Variants in NLRP5 observed in about 807,000 individuals in gnomAD.
The protein encoded by NLRP5 is NACHT, LRR and PYD domains-containing protein 5.
NLRP5 carries 93 observed loss-of-function variants against 113.1 expected under a neutral mutation model. The observed-to-expected ratio is 0.82, with a 90% CI of 0.70 to 0.98. NLRP5 has a LOEUF of 0.98. Among genes scored for constraint, NLRP5 ranks in the 50% least tolerant of loss-of-function variants. NLRP5 has a pLI of 0.00. For synonymous variants in NLRP5, 751 were observed against 600.7 expected, an observed-to-expected ratio of 1.25 and a Z score of -3.66; for missense variants, 1,808 against 1,514.3, an observed-to-expected ratio of 1.19 and a Z score of -3.22.
intron 3 of NLRP5, among the ~76,000 whole-genome samples, chr19:56,015,325 G>T (rs948804128): frequency 2.0e-5 from 3 of 152,072 alleles, no homozygotes; most frequent in Non-Finnish European, 4.4e-5. Context: ...CCTTCCAGTA[G>T]ATGGGATTAC....
chr19:56,004,590 T>C (rs1981783617), intron 2 of NLRP5, among the ~76,000 whole-genome samples: 1 of 152,154 alleles, frequency 6.6e-6, no homozygotes, highest in Non-Finnish European at 1.5e-5. Flanking sequence ...GATGAAGGAC[T>C]GAGGTTCCAG....
rs1392640845 is a variant in NLRP5 at position 56,019,749 on chromosome 19, C to G, written c.622+351C>G. 3.3e-5 allele frequency among the ~76,000 whole-genome samples: 5 copies of G among 152,164 alleles called. No individual in the cohort carries two copies. In the East Asian group the frequency reaches 9.6e-4, roughly 29 times the overall value. ...AGTGGCAGTAATTATTTTTGTAATT[C>G]CTTCTATCAACTAATATGTACATGA... On this transcript the variant is annotated intron_variant, in intron 5 of 14. Coordinates refer to ENST00000390649, the MANE Select transcript of NLRP5 (RefSeq NM_153447.4).
chr19:56,009,839 T>G lies in NLRP5; in HGVS notation c.508+986T>G, dbSNP rs531545631. Among the ~76,000 whole-genome samples, 105 of 152,180 alleles carry G rather than the reference T, an allele frequency of 6.9e-4. 1 individual carries two copies. Among genetic ancestry groups the G allele is most frequent in the Middle Eastern group, 3.4e-3 (1 of 294 alleles). On this transcript the variant is annotated intron_variant, in intron 3 of 14. Coordinates refer to ENST00000390649, the MANE Select transcript of NLRP5 (RefSeq NM_153447.4). ...GATGGAGCTTTGCTCAGGCTGTGGG[T>G]GGGGAAAGAGCTCTTCAAAGCTAAC... is the stretch of plus-strand genomic sequence containing the variant.
intron 6 of NLRP5, among the ~76,000 whole-genome samples, chr19:56,024,673 G>A (rs1369882303): frequency 6.6e-6 from 1 of 151,454 alleles, no homozygotes; most frequent in Admixed American, 6.6e-5. Context: ...CAGGAGCATT[G>A]CTTGAACCTG....
intron 7 of NLRP5, among the ~76,000 whole-genome samples, chr19:56,031,768 G>A (rs752045893): frequency 8.5e-5 from 13 of 152,090 alleles, no homozygotes; most frequent in Non-Finnish European, 1.8e-4. Flanking sequence ...CTCTAAGGAC[G>A]AGTAATATTC....
chr19:56,056,842 C>T, intron 13 of NLRP5, among the ~76,000 whole-genome samples: 1 of 152,028 alleles, frequency 6.6e-6, no homozygotes, highest in Admixed American at 6.6e-5. Flanking sequence ...ACTTTTTATT[C>T]TATCATAAGA....
chr19:55,993,840 G>A, the NLRP5 span, among the ~76,000 whole-genome samples: 2 of 151,184 alleles, frequency 1.3e-5, no homozygotes, highest in Non-Finnish European at 2.9e-5. Context: ...TTTGAAGGCT[G>A]AAACATGTTC....
chr19:56,050,077 C>T (rs778719342), intron 11 of NLRP5, among the ~76,000 whole-genome samples: 4 of 151,938 alleles, frequency 2.6e-5, no homozygotes, highest in East Asian at 1.9e-4. Flanking sequence ...GTCAGGAGTT[C>T]GAGACCATCC....
chr19:56,037,205 C>G (rs76959299), intron 9 of NLRP5, among the ~76,000 whole-genome samples: 294 of 152,178 alleles, frequency 1.9e-3, no homozygotes, highest in African/African-American at 6.7e-3. Context: ...TGTGTACGTT[C>G]CTCTTTCGTA....
chr19:55,988,448 A>ATG, the NLRP5 span: 1 of 122,130 alleles, frequency 8.2e-6, no homozygotes, highest in East Asian at 2.1e-4. Context: ...GTGTGTGTAT[A>ATG]TATATATATA....
At chr19:56,005,299 A>G (rs1003484319) in intron 2 of NLRP5, among the ~76,000 whole-genome samples, 1 of 147,232 alleles carries the variant, frequency 6.8e-6, no homozygotes, top group Non-Finnish European at 1.5e-5. Flanking sequence ...TTATATATAC[A>G]CATATATATT....
At chr19:56,002,162 C>T (rs371179324) in intron 1 of NLRP5, among the ~76,000 whole-genome samples, 141 of 152,184 alleles carry the variant, frequency 9.3e-4, no homozygotes, top group Admixed American at 1.8e-3. Flanking sequence ...TGGTGATTTA[C>T]GACATTAATC....
At chr19:56,020,829 T>C (rs1473901711) in intron 6 of NLRP5, among the ~76,000 whole-genome samples, 2 of 151,860 alleles carry the variant, frequency 1.3e-5, no homozygotes, top group Non-Finnish European at 2.9e-5. Flanking sequence ...TGAAGAATTG[T>C]GCTGGAATTA....
intron 7 of NLRP5, among the ~76,000 whole-genome samples, chr19:56,030,714 C>CTTCTTTTTTTTTTT: frequency 4.8e-4 from 34 of 71,344 alleles, no homozygotes; most frequent in African/African-American, 1.7e-3. Flanking sequence ...CTTTCTTCTT[C>CTTCTTTTTTTTTTT]TTTTTTTTTT....
Position 56,028,435 on chromosome 19 carries a change from G to A in NLRP5, c.2202G>A (p.Arg734=), listed in dbSNP as rs760106199. 6.2e-7 allele frequency: 1 copy of A among 1,613,942 alleles called. No homozygotes were observed. The highest frequency in any genetic ancestry group is 1.1e-5 in the South Asian group (1 of 91,088). ...GCCTCCAGCACTGTCCGTATTTGCG[G>A]AAAATTCGGGTGGATGTCAAAGGGA... Residue 734 remains arginine (R), a synonymous_variant, in exon 7 of 15, where the codon CGG becomes CGA. Transcript: ENST00000390649.
chr19:56,007,889 G>GTGTGCA (rs748749686), intron 2 of NLRP5, among the ~76,000 whole-genome samples: 24,855 of 85,620 alleles, frequency 0.29, 3,737 homozygotes, highest in Non-Finnish European at 0.36. Flanking sequence ...GTGTGTGTGT[G>GTGTGCA]CGCGTGCGCG....
At chr19:56,060,535 A>G (rs1984312335) in intron 14 of NLRP5, among the ~76,000 whole-genome samples, 1 of 152,110 alleles carries the variant, frequency 6.6e-6, no homozygotes. Context: ...CCAAGAACCT[A>G]TCAATGACAT....
intron 1 of NLRP5, chr19:55,999,801 T>TA (rs770234753): frequency 6.2e-7 from 1 of 1,608,692 alleles, no homozygotes; most frequent in Non-Finnish European, 8.5e-7. Flanking sequence ...GACAGCCTCT[T>TA]AGAGTTACCT....
intron 2 of NLRP5, among the ~76,000 whole-genome samples, chr19:56,007,095 G>A (rs1981950824): frequency 6.6e-6 from 1 of 151,384 alleles, no homozygotes; most frequent in African/African-American, 2.5e-5. Context: ...GGGCACCGTG[G>A]CTCACGCCTG....
Sources: gnomAD v4.1 joint callset for allele counts (sites outside exome capture counted in the v4.1 genomes callset) on GRCh38, gnomAD v4.1.1 for gene constraint, MANE v1.5 for transcripts, NCBI Gene and HGNC (gene_info 2026-07-23, HGNC 2026-07-21) for gene names.